Variants in GALNT2 observed in about 807,000 individuals in gnomAD.
GALNT2 encodes the protein polypeptide N-acetylgalactosaminyltransferase 2.
GALNT2 carries 31 observed loss-of-function variants against 81.4 expected under a neutral mutation model. The observed-to-expected ratio is 0.38, with a 90% CI of 0.29 to 0.51. GALNT2 has a LOEUF of 0.51. Among genes scored for constraint, GALNT2 ranks in the 20% least tolerant of loss-of-function variants. The pLI, the probability that GALNT2 is intolerant of heterozygous loss-of-function variation, is 0.87. For missense variants in GALNT2, 629 were observed against 765.7 expected, an observed-to-expected ratio of 0.82 and a Z score of 2.11; for synonymous variants, 303 against 287.4, an observed-to-expected ratio of 1.05 and a Z score of -0.55.
chr1:230,163,168 AAC>A (rs1662489048), intron 1 of GALNT2, among the ~76,000 whole-genome samples: 2 of 16,316 alleles, frequency 1.2e-4, no homozygotes, highest in Non-Finnish European at 2.5e-4. Context: ...GCATTAAAAC[AAC>A]AACAACAACA....
At chr1:230,148,180 C>G (rs147004672) in intron 1 of GALNT2, among the ~76,000 whole-genome samples, 1 of 152,196 alleles carries the variant, frequency 6.6e-6, no homozygotes, top group African/African-American at 2.4e-5. Context: ...CTGAGAGCCA[C>G]GAGGTGGACT....
At chr1:230,126,488 C>G (rs1661185409) in intron 1 of GALNT2, among the ~76,000 whole-genome samples, 1 of 152,052 alleles carries the variant, frequency 6.6e-6, no homozygotes, top group East Asian at 1.9e-4. Context: ...CAGTTGAGGA[C>G]TAACGGATGC....
chr1:230,194,476 A>G (rs1019312715), intron 2 of GALNT2, among the ~76,000 whole-genome samples: 1 of 152,236 alleles, frequency 6.6e-6, no homozygotes. Context: ...TCCCAGAGGC[A>G]GAAGAATTAA....
At chr1:230,065,517 T>C (rs1359937476), upstream of GALNT2, among the ~76,000 whole-genome samples, 4 of 152,210 alleles carry the variant, frequency 2.6e-5, no homozygotes, top group East Asian at 7.7e-4. Flanking sequence ...ATGGTTTTTA[T>C]TGTGGGGGTT....
intron 1 of GALNT2, among the ~76,000 whole-genome samples, chr1:230,110,738 A>G (rs1199989330): frequency 8.7e-6 from 1 of 114,726 alleles, no homozygotes; most frequent in African/African-American, 3.4e-5. Flanking sequence ...TGTCTTCAAT[A>G]GATTTTTCTA....
At chr1:230,266,627 C>T (rs540519796) in intron 14 of GALNT2, among the ~76,000 whole-genome samples, 12 of 152,204 alleles carry the variant, frequency 7.9e-5, no homozygotes, top group South Asian at 4.1e-4. Flanking sequence ...GTGGTTTTAG[C>T]AGTTACTTGC....
intron 3 of GALNT2, among the ~76,000 whole-genome samples, chr1:230,215,585 G>A (rs1163708624): frequency 1.3e-5 from 2 of 152,202 alleles, no homozygotes; most frequent in Non-Finnish European, 1.5e-5. Context: ...TCTGAATTTG[G>A]CAGTTTATAA....
In GALNT2 at chr1:230,279,156, A is replaced by G. The variant is rs1475762795; in HGVS notation, c.1561-147A>G. 15 of 776,312 alleles carry G rather than the reference A, an allele frequency of 1.9e-5. No homozygotes were observed. In the East Asian group the frequency reaches 4.5e-4, roughly 23 times the overall value. The allele number at this position is 776,312 out of a possible 1,614,324, so 48.1% of individuals were successfully genotyped here. ...GCTGGTTTCCTGTGGGGCTGCTGCA[A>G]GCTCCTCGGCCGTTCAGATGAGAGG... On this transcript the variant is annotated intron_variant, in intron 15 of 15. Transcript: ENST00000366672. The surrounding 1 kb of genome is among the most constrained non-coding windows in gnomAD (Gnocchi z 4.6).
rs1663589350 is a variant in GALNT2 at position 230,193,430 on chromosome 1, A to T, written c.221-9707A>T. 6.6e-6 allele frequency among the ~76,000 whole-genome samples: 1 copy of T among 152,054 alleles called. No homozygotes were observed. The highest frequency in any genetic ancestry group is 2.4e-5 in the African/African-American group (1 of 41,382). On this transcript the variant is annotated intron_variant, in intron 2 of 15. Transcript: ENST00000366672. The surrounding 1 kb of genome is among the most constrained non-coding windows in gnomAD (Gnocchi z 4.3). ...AGTCGCAACTGAGAGTCCTCTAAAG[A>T]CCGCATTTGTGCATGTGCCTGTGCG... is the stretch of plus-strand genomic sequence containing the variant.
chr1:230,227,723 G>T (rs572724848), intron 3 of GALNT2, among the ~76,000 whole-genome samples: 82 of 152,258 alleles, frequency 5.4e-4, no homozygotes, highest in Non-Finnish European at 9.7e-4. Flanking sequence ...ACTTGTGAGG[G>T]AGTTTCCTTC....
rs962708564 is a variant in GALNT2 at position 230,217,195 on chromosome 1, G to GA, written c.374+13914dup. 2.6e-3 allele frequency among the ~76,000 whole-genome samples: 355 copies of GA among 138,330 alleles called. 1 individual carries two copies. The highest frequency in any genetic ancestry group is 8.4e-3 in the African/African-American group (334 of 39,930). The allele number at this position is 138,330 out of a possible 152,430, so 90.7% of individuals were successfully genotyped here. On this transcript the variant is annotated intron_variant, in intron 3 of 15. Coordinates refer to ENST00000366672, the MANE Select transcript of GALNT2 (RefSeq NM_004481.5). ...TAAAAAGCATGTTAAATACAGAAGA[G>GA]AAAAAAAAAGCGGTGGAGGTTAGGA...
chr1:230,151,273 G>A (rs919509385), intron 1 of GALNT2, among the ~76,000 whole-genome samples: 6 of 152,158 alleles, frequency 3.9e-5, no homozygotes, highest in Non-Finnish European at 5.9e-5. Context: ...CCAGTAGAAC[G>A]CACTGTTGTG....
At chr1:230,264,957 C>G in intron 13 of GALNT2, 1 of 306,364 alleles carries the variant, frequency 3.3e-6, no homozygotes, top group Non-Finnish European at 5.7e-6. Context: ...GTATCAGGAG[C>G]TTTTCCTTCC....
At chr1:230,200,062 C>CTTTTTTTT (rs34212427) in intron 2 of GALNT2, among the ~76,000 whole-genome samples, 2 of 113,514 alleles carry the variant, frequency 1.8e-5, no homozygotes, top group South Asian at 2.9e-4. Flanking sequence ...TCTTTTTTTT[C>CTTTTTTTT]TTTTTTTTTT....
intron 1 of GALNT2, among the ~76,000 whole-genome samples, chr1:230,068,065 T>C (rs1474181057): frequency 6.6e-6 from 1 of 152,170 alleles, no homozygotes; most frequent in Non-Finnish European, 1.5e-5. Flanking sequence ...CGTTACCCTC[T>C]GCCCAACCCG....
intron 1 of GALNT2, among the ~76,000 whole-genome samples, chr1:230,103,017 T>A (rs1660446180): frequency 6.6e-6 from 1 of 152,200 alleles, no homozygotes; most frequent in Admixed American, 6.5e-5. Context: ...CGAGGTCCAT[T>A]GGCCTTGCTG....
At chr1:230,067,138 G>C (rs1401787106), upstream of GALNT2, 1 of 274,836 alleles carries the variant, frequency 3.6e-6, no homozygotes. Context: ...CGCCGCCGCC[G>C]AGCAGTAGCA....
At chr1:230,060,185 T>TA (rs549974737) in intron 1 of GALNT2, among the ~76,000 whole-genome samples, 234 of 152,374 alleles carry the variant, frequency 1.5e-3, no homozygotes, top group African/African-American at 4.7e-3. Context: ...ACAAACCACT[T>TA]ACTTTACAGA....
chr1:230,267,917 G>C (rs1367309704), intron 14 of GALNT2, among the ~76,000 whole-genome samples: 3 of 152,220 alleles, frequency 2.0e-5, no homozygotes, highest in Non-Finnish European at 2.9e-5. Flanking sequence ...GTGATGGAGG[G>C]CGCCGTGCGG....
Sources: gnomAD v4.1 joint callset for allele counts (sites outside exome capture counted in the v4.1 genomes callset) on GRCh38, gnomAD v4.1.1 for gene constraint, Gnocchi (gnomAD v3.1) non-coding constraint, MANE v1.5 for transcripts, NCBI Gene and HGNC (gene_info 2026-07-23, HGNC 2026-07-21) for gene names.